KHDRBS2: variants seen among roughly 807,000 people sequenced by gnomAD.
KHDRBS2 encodes the protein KH RNA binding domain containing, signal transduction associated 2.
In KHDRBS2, 26 loss-of-function variants were observed where a neutral mutation model predicts 44.3. That is an observed-to-expected ratio of 0.59 (90% confidence interval 0.43 to 0.81). The LOEUF (loss-of-function observed/expected upper bound fraction) is 0.81. Ranked by LOEUF, KHDRBS2 falls within the 40% of genes least tolerant of loss-of-function variation. KHDRBS2 has a pLI of 0.00. For missense variants in KHDRBS2, 476 were observed against 433.1 expected (o/e 1.10, Z -0.88); for synonymous variants, 194 against 151.1 (o/e 1.28, Z -2.08).
intron 6 of KHDRBS2, among the ~76,000 whole-genome samples, chr6:61,852,754 C>T (rs1440903186): frequency 6.6e-6 from 1 of 151,962 alleles, no homozygotes; most frequent in African/African-American, 2.4e-5. Context: ...TATACAATGG[C>T]TTAGCAATTC....
At chr6:61,669,759 G>C in the KHDRBS2 span, among the ~76,000 whole-genome samples, 1 of 150,790 alleles carries the variant, frequency 6.6e-6, no homozygotes, top group Non-Finnish European at 1.5e-5. Context: ...TTACCTATAA[G>C]AAATTTAAGC....
At chr6:61,663,115 C>T in the KHDRBS2 span, among the ~76,000 whole-genome samples, 1 of 151,126 alleles carries the variant, frequency 6.6e-6, no homozygotes, top group Non-Finnish European at 1.5e-5. Context: ...ATGGATGAAA[C>T]TGGAAACCAT....
intron 3 of KHDRBS2, among the ~76,000 whole-genome samples, chr6:62,030,747 A>G (rs1360078792): frequency 6.6e-6 from 1 of 152,132 alleles, no homozygotes; most frequent in Non-Finnish European, 1.5e-5. Flanking sequence ...AATAAAAAAG[A>G]TTATATAAAT....
At position 62,177,305 on chromosome 6, in the gene KHDRBS2, T is replaced by C. The variant is rs762064005; in HGVS notation, c.99A>G (p.Glu33=). 6.3e-7 allele frequency: 1 copy of C among 1,591,358 alleles called. No individual in the cohort carries two copies. Among genetic ancestry groups the C allele is most frequent in the Non-Finnish European group, 8.6e-7 (1 of 1,165,942 alleles). The stretch of plus-strand genomic sequence containing the variant: ...TTTTTCCATCAGAACCTTGAAACTT[T>C]TCAATTTCTGGAAGAAAATCACAAG... ...HASRLLAEEI[E]KFQGSDGKKE... Residue 33 remains glutamate (E), a synonymous_variant, in exon 2 of 9, where the codon GAA becomes GAG. Coordinates refer to ENST00000281156, the MANE Select transcript of KHDRBS2 (RefSeq NM_152688.4).
rs146508291 is a variant in KHDRBS2, at chr6:61,909,283, G to A, written c.484-7912C>T. Among the ~76,000 whole-genome samples, 504 of 152,034 alleles carry A rather than the reference G, an allele frequency of 3.3e-3. 1 individual carries two copies. The highest frequency in any genetic ancestry group is 5.3e-3 in the Non-Finnish European group (357 of 67,984). On this transcript the variant is annotated intron_variant, in intron 4 of 8. Transcript: ENST00000281156. ...AGGGTTTTGCCATGTTGCCCAGGCT[G>A]GTGTCGCACTCCTGAGCTCAAGTGA...
At chr6:62,136,086 A>G (rs1211897008) in intron 2 of KHDRBS2, among the ~76,000 whole-genome samples, 1 of 152,078 alleles carries the variant, frequency 6.6e-6, no homozygotes, top group Non-Finnish European at 1.5e-5. Context: ...AAGAAAGGTA[A>G]CTAGGTGAGA....
At chr6:61,597,745 TATATATATATATAC>T in the KHDRBS2 span, among the ~76,000 whole-genome samples, 10 of 50,510 alleles carry the variant, frequency 2.0e-4, no homozygotes, top group African/African-American at 5.8e-4. Flanking sequence ...TATATATATA[TATATATATATATAC>T]ATATATATAT....
chr6:61,945,110 A>ATGTATATATAT lies in KHDRBS2; in HGVS notation c.483+32955_483+32956insATATATATACA, dbSNP rs1414544846. On this transcript the variant is annotated intron_variant, in intron 4 of 8. Coordinates refer to ENST00000281156, the MANE Select transcript of KHDRBS2 (RefSeq NM_152688.4). ...TGTCTTAAAAAAAAAAAAAAAAAAA[A>ATGTATATATAT]AAGTATATATATATATATATATATA... Among the ~76,000 whole-genome samples, 22 of 46,266 alleles carry ATGTATATATAT rather than the reference A, an allele frequency of 4.8e-4. 2 individuals are homozygous for ATGTATATATAT. Among genetic ancestry groups the ATGTATATATAT allele is most frequent in the African/African-American group, 2.1e-3 (19 of 8,878 alleles). The allele number at this position is 46,266 out of a possible 152,430, so 30.4% of individuals were successfully genotyped here.
intron 2 of KHDRBS2, among the ~76,000 whole-genome samples, chr6:62,162,751 T>G (rs1353336582): frequency 1.3e-5 from 2 of 152,000 alleles, no homozygotes; most frequent in Non-Finnish European, 2.9e-5. Flanking sequence ...CCTTCTTAAA[T>G]TCATGGTATA....
At chr6:61,749,474 A>C (rs1171087186) in intron 6 of KHDRBS2, among the ~76,000 whole-genome samples, 1 of 152,204 alleles carries the variant, frequency 6.6e-6, no homozygotes, top group East Asian at 1.9e-4. Flanking sequence ...TAAAAAGCCA[A>C]AGCACTTAGA....
chr6:61,975,687 A>G (rs1224657888), intron 4 of KHDRBS2, among the ~76,000 whole-genome samples: 5 of 151,934 alleles, frequency 3.3e-5, no homozygotes, highest in African/African-American at 1.2e-4. Context: ...ACACAGAGAG[A>G]TATAAAACAT....
chr6:61,584,880 A>G, the KHDRBS2 span, among the ~76,000 whole-genome samples: 1 of 151,862 alleles, frequency 6.6e-6, no homozygotes, highest in East Asian at 1.9e-4. Flanking sequence ...TTAAAGCGTA[A>G]TTTTTGAAAG....
At chr6:61,626,812 T>C in the KHDRBS2 span, among the ~76,000 whole-genome samples, 2 of 152,210 alleles carry the variant, frequency 1.3e-5, no homozygotes, top group East Asian at 1.9e-4. Context: ...TTATATATCA[T>C]GTGACCTTTT....
At chr6:62,076,982 A>G (rs939793700) in intron 2 of KHDRBS2, among the ~76,000 whole-genome samples, 2 of 151,916 alleles carry the variant, frequency 1.3e-5, no homozygotes, top group Non-Finnish European at 2.9e-5. Flanking sequence ...AGAGTTGAAG[A>G]CTGCAATGAA....
At chr6:61,825,001 T>G (rs140550978) in intron 6 of KHDRBS2, among the ~76,000 whole-genome samples, 1 of 152,278 alleles carries the variant, frequency 6.6e-6, no homozygotes, top group Non-Finnish European at 1.5e-5. Context: ...GTTATTAAAA[T>G]CTATCATTTC....
At chr6:61,989,699 GAGA>G (rs1465727333) in intron 3 of KHDRBS2, among the ~76,000 whole-genome samples, 2 of 152,150 alleles carry the variant, frequency 1.3e-5, no homozygotes, top group Admixed American at 6.5e-5. Flanking sequence ...TCTGGGTTGG[GAGA>G]AGATTTTTGT....
chr6:61,704,119 C>T (rs1248843664), intron 7 of KHDRBS2, among the ~76,000 whole-genome samples: 5 of 151,798 alleles, frequency 3.3e-5, no homozygotes, highest in Non-Finnish European at 5.9e-5. Context: ...TGTGTCTTTC[C>T]CACCTTCACC....
intron 4 of KHDRBS2, among the ~76,000 whole-genome samples, chr6:61,947,957 G>A (rs1465632592): frequency 7.3e-6 from 1 of 136,088 alleles, no homozygotes; most frequent in African/African-American, 2.7e-5. Context: ...AATAATAACA[G>A]AGGAATGACA....
chr6:61,690,631 A>G (rs1380698738), intron 8 of KHDRBS2, among the ~76,000 whole-genome samples: 1 of 152,058 alleles, frequency 6.6e-6, no homozygotes, highest in Non-Finnish European at 1.5e-5. Flanking sequence ...GTTTATTACT[A>G]CTTAAACTTA....
Sources: allele counts gnomAD v4.1 joint callset (sites outside exome capture counted in the v4.1 genomes callset), GRCh38; gene constraint gnomAD v4.1.1; transcripts MANE v1.5; gene names NCBI Gene and HGNC (gene_info 2026-07-23, HGNC 2026-07-21).